AK5: variants seen among roughly 807,000 people sequenced by gnomAD.
The protein encoded by AK5 is adenylate kinase 5, also known as adenylate kinase isoenzyme 5.
A neutral mutation model predicts 69.5 loss-of-function variants in AK5; 27 were observed. The ratio of observed to expected loss-of-function variants is 0.39; its 90% CI spans 0.29 to 0.54. The LOEUF is 0.54. Among genes scored for constraint, AK5 ranks in the 20% least tolerant of loss-of-function variants. AK5 has a pLI of 0.71. For synonymous variants in AK5, 260 were observed against 244.4 expected, an observed-to-expected ratio of 1.06 and a Z score of -0.60; for missense variants, 531 against 700.4, an observed-to-expected ratio of 0.76 and a Z score of 2.73.
chr1:77,514,261 T>C (rs886150545), intron 10 of AK5, among the ~76,000 whole-genome samples: 2 of 152,124 alleles, frequency 1.3e-5, no homozygotes, highest in Non-Finnish European at 2.9e-5. Flanking sequence ...CCTTGGGTAA[T>C]GGTACACTAA....
intron 5 of AK5, among the ~76,000 whole-genome samples, chr1:77,320,396 A>G (rs186141546): frequency 1.3e-5 from 2 of 152,318 alleles, no homozygotes; most frequent in East Asian, 3.9e-4. Flanking sequence ...AGCATACTTC[A>G]TTTTTACAAG....
intron 10 of AK5, among the ~76,000 whole-genome samples, chr1:77,502,260 T>G (rs191988341): frequency 5.8e-4 from 88 of 152,340 alleles, no homozygotes; most frequent in African/African-American, 2.0e-3. Flanking sequence ...TCTGCTCCTT[T>G]GAGTGGCTTC....
At chr1:77,403,099 G>C (rs1649350824) in intron 6 of AK5, among the ~76,000 whole-genome samples, 1 of 152,176 alleles carries the variant, frequency 6.6e-6, no homozygotes, top group Non-Finnish European at 1.5e-5. Flanking sequence ...GTCTTCTTCT[G>C]AGAAGTGTCT....
chr1:77,338,448 A>T (rs1381868784), intron 5 of AK5, among the ~76,000 whole-genome samples: 1 of 152,234 alleles, frequency 6.6e-6, no homozygotes, highest in Non-Finnish European at 1.5e-5. Context: ...GCTGAGATTA[A>T]TTTTTGGTCT....
chr1:77,290,546 G>A (rs970412137), intron 2 of AK5, among the ~76,000 whole-genome samples: 9 of 152,118 alleles, frequency 5.9e-5, no homozygotes, highest in African/African-American at 9.7e-5. Flanking sequence ...TATGAGATAA[G>A]CATCCCTTTC....
At chr1:77,421,710 C>G (rs1650827296) in intron 8 of AK5, among the ~76,000 whole-genome samples, 1 of 152,178 alleles carries the variant, frequency 6.6e-6, no homozygotes, top group Non-Finnish European at 1.5e-5. Flanking sequence ...CTGCTCCTAA[C>G]CACAGGCTGC....
chr1:77,437,403 T>C (rs371163131), intron 8 of AK5, among the ~76,000 whole-genome samples: 1 of 152,076 alleles, frequency 6.6e-6, no homozygotes, highest in East Asian at 1.9e-4. Flanking sequence ...CAGCAAAACA[T>C]AGTAATTTAA....
At chr1:77,506,238 T>C (rs1025132906) in intron 10 of AK5, among the ~76,000 whole-genome samples, 1 of 151,784 alleles carries the variant, frequency 6.6e-6, no homozygotes, top group Non-Finnish European at 1.5e-5. Flanking sequence ...GTTGGTTGGT[T>C]GGTTGGTTGG....
chr1:77,558,453 CTCT>C (rs1371730543), intron 13 of AK5, 146 bp from the exon 14 acceptor site: 2 of 563,534 alleles, frequency 3.5e-6, no homozygotes, highest in Non-Finnish European at 6.3e-6. Flanking sequence ...TTTAAAACTA[CTCT>C]TCACTTTTTT....
chr1:77,290,170 G>C (rs966599999), intron 2 of AK5, among the ~76,000 whole-genome samples: 2 of 152,040 alleles, frequency 1.3e-5, no homozygotes, highest in Non-Finnish European at 1.5e-5. Context: ...TGCATCACAC[G>C]GTCTTGTATC....
At chr1:77,443,129 AACTCCTAAAGCATTAGAG>A (rs59935072) in intron 8 of AK5, among the ~76,000 whole-genome samples, 14,304 of 152,226 alleles carry the variant, frequency 0.094, 772 homozygotes, top group Middle Eastern at 0.17. Context: ...CCTGCCACTG[AACTCCTAAAGCATTAGAG>A]GCTCATACCT....
intron 13 of AK5, among the ~76,000 whole-genome samples, chr1:77,536,778 T>C (rs2100359861): frequency 6.6e-6 from 1 of 152,364 alleles, no homozygotes; most frequent in Admixed American, 6.5e-5. Flanking sequence ...CAATTGGCTC[T>C]TGGCTCCTTT....
At chr1:77,313,565 C>A (rs1410244328) in intron 5 of AK5, among the ~76,000 whole-genome samples, 1 of 152,106 alleles carries the variant, frequency 6.6e-6, no homozygotes, top group Non-Finnish European at 1.5e-5. Flanking sequence ...CAGTTCACAG[C>A]AGCTTCCCTC....
chr1:77,418,869 T>TA (rs1183963080), intron 8 of AK5, among the ~76,000 whole-genome samples: 3 of 152,208 alleles, frequency 2.0e-5, no homozygotes, highest in Non-Finnish European at 4.4e-5. Flanking sequence ...GTTCTTTCCT[T>TA]ATAGCACAAA....
Position 77,367,555 on chromosome 1 carries a change from T to TATATATATATATATATA in AK5, c.891+26987_891+26988insATATATATATATATATA, listed in dbSNP as rs1553139660. 1.6e-3 allele frequency among the ~76,000 whole-genome samples: 96 copies of TATATATATATATATATA among 59,278 alleles called. 6 individuals are homozygous for TATATATATATATATATA. The highest frequency in any genetic ancestry group is 7.3e-3 in the East Asian group (15 of 2,054). The allele number at this position is 59,278 out of a possible 152,430, so 38.9% of individuals were successfully genotyped here. A position where few individuals can be genotyped will look rare whatever the true frequency, so the allele number is the denominator to read the frequency against. On this transcript the variant is annotated intron_variant, in intron 6 of 13. Coordinates refer to ENST00000354567, the MANE Select transcript of AK5 (RefSeq NM_174858.3). ...TGTTGCCCAGACTCATTTATGTTAT[T>TATATATATATATATATA]TTTATATATATATATATATATATAA... is the stretch of plus-strand genomic sequence containing the variant.
At position 77,452,508 on chromosome 1, in the gene AK5, C is replaced by A. The variant is rs1377048163; in HGVS notation, c.1060-30809C>A. On this transcript the variant is annotated intron_variant, in intron 8 of 13. Transcript: ENST00000354567. Reference sequence around the variant, plus strand: ...GCTGTCAGATTGGATCCAATTTAGTCCCACATGACTCATGATGCAGAGTAT... The same window carrying A: ...GCTGTCAGATTGGATCCAATTTAGTACCACATGACTCATGATGCAGAGTAT... 2.6e-5 allele frequency among the ~76,000 whole-genome samples: 4 copies of A among 152,150 alleles called. No individual in the cohort carries two copies. The South Asian group carries it at 8.3e-4, about 32-fold the overall frequency.
chr1:77,380,825 A>G (rs1647578863), intron 6 of AK5, among the ~76,000 whole-genome samples: 1 of 152,178 alleles, frequency 6.6e-6, no homozygotes, highest in Non-Finnish European at 1.5e-5. Flanking sequence ...AAGGGAAGAT[A>G]GGAATTAGCT....
At chr1:77,389,565 A>T (rs1570485782) in intron 6 of AK5, among the ~76,000 whole-genome samples, 1 of 152,242 alleles carries the variant, frequency 6.6e-6, no homozygotes, top group South Asian at 2.1e-4. Flanking sequence ...TTAGCTTTTC[A>T]TAGAAACTGA....
chr1:77,385,024 G>T lies in AK5; in HGVS notation c.892-25957G>T, dbSNP rs368320455. 9.9e-5 allele frequency among the ~76,000 whole-genome samples: 15 copies of T among 151,846 alleles called. 1 individual carries two copies. In the East Asian group the frequency reaches 1.9e-3, roughly 20 times the overall value. On this transcript the variant is annotated intron_variant, in intron 6 of 13. Coordinates refer to ENST00000354567, the MANE Select transcript of AK5 (RefSeq NM_174858.3). The stretch of plus-strand genomic sequence containing the variant: ...CTCTATTCATCAACAGCCAAAATTT[G>T]TTGATTAATATATTGCTATTAAGTG...
Sources: allele counts gnomAD v4.1 joint callset (sites outside exome capture counted in the v4.1 genomes callset), GRCh38; gene constraint gnomAD v4.1.1; transcripts MANE v1.5; gene names NCBI Gene and HGNC (gene_info 2026-07-23, HGNC 2026-07-21).